Variants in ATL2 observed in about 807,000 individuals in gnomAD.
The protein encoded by ATL2 is atlastin GTPase 2, also known as atlastin-2.
ATL2 carries 31 observed loss-of-function variants against 73.9 expected under a neutral mutation model. The observed-to-expected ratio is 0.42, with a 90% CI of 0.32 to 0.57. The LOEUF is 0.57. ATL2 is among the 20% of genes least tolerant of loss of function. The pLI, the probability that ATL2 is intolerant of heterozygous loss-of-function variation, is 0.14. For missense variants in ATL2, 738 were observed against 702.6 expected, an observed-to-expected ratio of 1.05 and a Z score of -0.57; for synonymous variants, 291 against 237.5, an observed-to-expected ratio of 1.23 and a Z score of -2.07.
chr2:38,327,969 A>C (rs373106902), intron 2 of ATL2, among the ~76,000 whole-genome samples: 9 of 152,180 alleles, frequency 5.9e-5, no homozygotes, highest in Non-Finnish European at 1.2e-4. Context: ...GTTTTTAAAA[A>C]ATAGAGCCAA....
At chr2:38,305,917 C>A (rs1452830505) in intron 9 of ATL2, among the ~76,000 whole-genome samples, 4 of 150,776 alleles carry the variant, frequency 2.7e-5, no homozygotes, top group African/African-American at 9.8e-5. Flanking sequence ...AAGAAGTTAG[C>A]GAAATTGAAA....
upstream of ATL2, among the ~76,000 whole-genome samples, chr2:38,377,577 A>G (rs1390476999): frequency 6.6e-6 from 1 of 151,616 alleles, no homozygotes; most frequent in Non-Finnish European, 1.5e-5. Context: ...CCCTGAGCTC[A>G]GCACCACACC....
chr2:38,343,579 C>A, intron 1 of ATL2, 67 bp from the exon 2 acceptor site: 1 of 1,447,824 alleles, frequency 6.9e-7, no homozygotes, highest in Admixed American at 2.1e-5. Flanking sequence ...TTAAGGACCA[C>A]AACTAAAGCA....
At chr2:38,296,388 C>T in intron 12 of ATL2, 1 of 1,521,816 alleles carries the variant, frequency 6.6e-7, no homozygotes, top group Non-Finnish European at 8.8e-7. Flanking sequence ...GGTATGTATA[C>T]AGCATTTATG....
intron 2 of ATL2, among the ~76,000 whole-genome samples, chr2:38,331,153 G>A (rs997488684): frequency 7.2e-5 from 11 of 151,944 alleles, no homozygotes; most frequent in African/African-American, 2.7e-4. Flanking sequence ...AAAAAAAACT[G>A]GCCAGGTGTG....
At chr2:38,341,880 A>T (rs771829064) in intron 2 of ATL2, among the ~76,000 whole-genome samples, 3 of 152,234 alleles carry the variant, frequency 2.0e-5, no homozygotes, top group Non-Finnish European at 2.9e-5. Context: ...CAAATGTCAC[A>T]GAACTCATAA....
intron 2 of ATL2, among the ~76,000 whole-genome samples, chr2:38,335,585 G>A (rs1018140114): frequency 1.3e-4 from 20 of 152,118 alleles, no homozygotes; most frequent in Non-Finnish European, 2.4e-4. Context: ...CTTGAGAGCC[G>A]GAGATAGCAG....
At chr2:38,376,999 C>T in intron 1 of ATL2, 144 bp downstream of exon 1, 2 of 582,430 alleles carry the variant, frequency 3.4e-6, no homozygotes, top group Non-Finnish European at 2.7e-6. Flanking sequence ...TGAGGCTAGG[C>T]CCGGCGGGCA....
intron 9 of ATL2, among the ~76,000 whole-genome samples, chr2:38,301,366 A>C (rs1300347168): frequency 6.6e-6 from 1 of 152,210 alleles, no homozygotes; most frequent in Non-Finnish European, 1.5e-5. Flanking sequence ...ACCTCCAAGG[A>C]ATATCAAATT....
At chr2:38,330,940 G>T (rs1180305002) in intron 2 of ATL2, among the ~76,000 whole-genome samples, 1 of 152,174 alleles carries the variant, frequency 6.6e-6, no homozygotes, top group Non-Finnish European at 1.5e-5. Flanking sequence ...AGAACAAAAT[G>T]GGACTCACTT....
rs575501072 is a variant in ATL2 at position 38,364,627 on chromosome 2, T to C, written c.118+12516A>G. Among the ~76,000 whole-genome samples, 109 of 152,352 alleles carry C rather than the reference T, an allele frequency of 7.2e-4. 5 individuals carry two copies. The South Asian group carries it at 0.022, about 31-fold the overall frequency. On this transcript the variant is annotated intron_variant, in intron 1 of 12. Coordinates refer to ENST00000378954, the MANE Select transcript of ATL2 (RefSeq NM_001135673.4). ...TACTACATTCCTATTTCCGGAAGTA[T>C]TTTTAGTACAATGACTCTAAGAGCT... is the stretch of plus-strand genomic sequence containing the variant.
intron 2 of ATL2, among the ~76,000 whole-genome samples, chr2:38,327,703 AG>A (rs1668746564): frequency 6.6e-6 from 1 of 152,182 alleles, no homozygotes; most frequent in African/African-American, 2.4e-5. Context: ...TGGGAGGCAG[AG>A]GTGGGTGGAT....
At chr2:38,365,402 C>A (rs1474515545) in intron 1 of ATL2, among the ~76,000 whole-genome samples, 1 of 152,160 alleles carries the variant, frequency 6.6e-6, no homozygotes, top group Non-Finnish European at 1.5e-5. Flanking sequence ...CACCTGTAAT[C>A]CCAGCACTTT....
chr2:38,326,002 T>C (rs1159905903), intron 2 of ATL2, among the ~76,000 whole-genome samples: 1 of 150,866 alleles, frequency 6.6e-6, no homozygotes, highest in Non-Finnish European at 1.5e-5. Flanking sequence ...CTGCCTGTAA[T>C]CTCAGCTATT....
At chr2:38,310,206 T>G (rs1208957304) in intron 8 of ATL2, 103 bp downstream of exon 8, 8 of 1,302,340 alleles carry the variant, frequency 6.1e-6, no homozygotes, top group African/African-American at 3.0e-5. Flanking sequence ...ATCCAAACAT[T>G]CTCCAGTATA....
At chr2:38,360,345 G>A (rs1475278344) in intron 1 of ATL2, among the ~76,000 whole-genome samples, 2 of 151,330 alleles carry the variant, frequency 1.3e-5, no homozygotes, top group African/African-American at 4.9e-5. Context: ...CAGTACAGTG[G>A]CACAATCACA....
intron 1 of ATL2, among the ~76,000 whole-genome samples, chr2:38,350,762 TA>T (rs879368090): frequency 4.7e-4 from 68 of 144,742 alleles, no homozygotes; most frequent in African/African-American, 1.1e-3. Flanking sequence ...AAAATTGCTC[TA>T]AAAAAAAAAA....
rs373621739 is a variant in ATL2, at chr2:38,319,022, G to A, written c.364-3C>T. ...CCACCAATCCAACTTTGAGAATCCTGTTAAAGTCAAGGATAAATGTAAAAT... is the reference window on the plus strand; with the variant it reads ...CCACCAATCCAACTTTGAGAATCCTATTAAAGTCAAGGATAAATGTAAAAT... On this transcript the variant is annotated splice_polypyrimidine_tract_variant and splice_region_variant and intron_variant, in intron 2 of 12. Coordinates refer to ENST00000378954, the MANE Select transcript of ATL2 (RefSeq NM_001135673.4). The A allele has an allele frequency of 1.9e-6, 3 of 1,609,870 alleles. No individual in the cohort carries two copies. Among genetic ancestry groups the A allele is most frequent in the Non-Finnish European group, 2.5e-6 (3 of 1,178,548 alleles).
rs78351660 is a variant in ATL2 at position 38,361,515 on chromosome 2, C to A, written c.118+15628G>T. On this transcript the variant is annotated intron_variant, in intron 1 of 12. Transcript: ENST00000378954. ...CAGAAAGCATACACCACTTTCAGGA[C>A]AGGTGCATATCTACGAAGAAAGGGT... 6.9e-3 allele frequency among the ~76,000 whole-genome samples: 1,053 copies of A among 152,190 alleles called. 12 individuals are homozygous for A. Among genetic ancestry groups the A allele is most frequent in the East Asian group, 0.058 (302 of 5,184 alleles).
Sources: allele counts gnomAD v4.1 joint callset (sites outside exome capture counted in the v4.1 genomes callset), GRCh38; gene constraint gnomAD v4.1.1; transcripts MANE v1.5; gene names NCBI Gene and HGNC (gene_info 2026-07-23, HGNC 2026-07-21).